Variants in STPG1 observed in about 807,000 individuals in gnomAD.
The protein encoded by STPG1 is O(6)-methylguanine-induced apoptosis 2.
Under a neutral mutation model 40.1 loss-of-function variants are expected in STPG1, and 33 were observed. The observed-to-expected ratio is 0.82, with a 90% CI of 0.62 to 1.10. STPG1 has a LOEUF of 1.10. Ranked by LOEUF, STPG1 falls within the 50% of genes least tolerant of loss-of-function variation. The pLI, the probability that STPG1 is intolerant of heterozygous loss-of-function variation, is 0.00. For synonymous variants in STPG1, 150 were observed against 155.0 expected (o/e 0.97, Z 0.24); for missense variants, 396 against 415.1 (o/e 0.95, Z 0.40).
intron 3 of STPG1, 166 bp downstream of exon 3, chr1:24,391,395 A>T (rs1297507208): frequency 2.3e-6 from 1 of 438,288 alleles, no homozygotes. Flanking sequence ...GCTCGTTCTT[A>T]CAGTTAGTCC....
chr1:24,413,283 C>G (rs11249104), intron 1 of STPG1, among the ~76,000 whole-genome samples: 1 of 152,196 alleles, frequency 6.6e-6, no homozygotes, highest in East Asian at 1.9e-4. Flanking sequence ...CTGGGGGACA[C>G]CCCCTGAGCT....
chr1:24,373,815 G>A lies in STPG1; in HGVS notation c.463-5C>T. 4.4e-6 allele frequency: 7 copies of A among 1,596,274 alleles called. No homozygotes were observed. Among genetic ancestry groups the A allele is most frequent in the South Asian group, 2.2e-5 (2 of 90,678 alleles). On this transcript the variant is annotated splice_polypyrimidine_tract_variant and splice_region_variant and intron_variant, in intron 5 of 8. Coordinates refer to ENST00000337248, the MANE Select transcript of STPG1 (RefSeq NM_001199013.2). ...CTTGCAGCAAGAGACAGAGGCCTAGGGGGAGAAAATACACCCAATGTACTC... is the reference window on the plus strand; with the variant it reads ...CTTGCAGCAAGAGACAGAGGCCTAGAGGGAGAAAATACACCCAATGTACTC...
At chr1:24,412,838 G>T (rs1025090045) in intron 1 of STPG1, among the ~76,000 whole-genome samples, 1 of 152,178 alleles carries the variant, frequency 6.6e-6, no homozygotes, top group Middle Eastern at 3.2e-3. Flanking sequence ...TATTTCCAGC[G>T]GGAGTTAGAT....
intron 6 of STPG1, among the ~76,000 whole-genome samples, chr1:24,371,838 G>A (rs1476655094): frequency 1.3e-5 from 2 of 152,194 alleles, no homozygotes; most frequent in African/African-American, 4.8e-5. Context: ...GGGGTGGAGG[G>A]TGAGCTGAAG....
rs1641066898 is a variant in STPG1, at chr1:24,360,912, T to A, written c.867A>T (p.Ser289=). 1.2e-6 allele frequency: 2 copies of A among 1,613,902 alleles called. No individual in the cohort carries two copies. The highest frequency in any genetic ancestry group is 1.7e-6 in the Non-Finnish European group (2 of 1,179,936). Residue 289 remains serine, a synonymous_variant, in exon 8 of 9, where the codon TCA becomes TCT. Coordinates refer to ENST00000337248, the MANE Select transcript of STPG1 (RefSeq NM_001199013.2). Reference sequence around the variant, plus strand: ...TCCACCGGCTGGTATTGGACACGAATGATGCACTAGAGATGAAATGCTTGC... The same window carrying A: ...TCCACCGGCTGGTATTGGACACGAAAGATGCACTAGAGATGAAATGCTTGC... ...GPRKHFISSA[S]FVSNTSRWTA... is the part of the protein sequence containing the mutation.
rs569776474 is a variant in STPG1, at chr1:24,400,293, C to T, written c.70+1026G>A. 2.0e-5 allele frequency among the ~76,000 whole-genome samples: 3 copies of T among 152,234 alleles called. No individual in the cohort carries two copies. In the South Asian group the frequency reaches 6.2e-4, roughly 32 times the overall value. On this transcript the variant is annotated intron_variant, in intron 2 of 8. Coordinates refer to ENST00000337248, the MANE Select transcript of STPG1 (RefSeq NM_001199013.2). ...GTATGATTCACATTTACATAACATT[C>T]AAAAACAAACTAAAGTTATTAATGA...
chr1:24,402,497 C>A (rs1643262914), intron 1 of STPG1, among the ~76,000 whole-genome samples: 1 of 152,132 alleles, frequency 6.6e-6, no homozygotes, highest in African/African-American at 2.4e-5. Flanking sequence ...CATTGTGGCT[C>A]ACACCTATAA....
chr1:24,413,470 C>T (rs11249105), intron 1 of STPG1, among the ~76,000 whole-genome samples: 29,642 of 152,262 alleles, frequency 0.19, 3,312 homozygotes, highest in East Asian at 0.3. Context: ...CGGGTGGAAA[C>T]ACCGAGGACA....
chr1:24,393,076 G>C (rs1464858692), intron 2 of STPG1, among the ~76,000 whole-genome samples: 1 of 152,184 alleles, frequency 6.6e-6, no homozygotes, highest in Non-Finnish European at 1.5e-5. Context: ...GGCTTAGAGG[G>C]ATTAAGTTAC....
rs56982488 is a variant in STPG1, at chr1:24,391,403, T to C, written c.189+158A>G. On this transcript the variant is annotated intron_variant, in intron 3 of 8. Coordinates refer to ENST00000337248, the MANE Select transcript of STPG1 (RefSeq NM_001199013.2). ...TTTTCAGGCTCGTTCTTACAGTTAG[T>C]CCAGTCGGTGCCCCTCAGTGGAGCT... 3,985 of 490,744 alleles carry C rather than the reference T, an allele frequency of 8.1e-3. 159 individuals carry two copies. Among genetic ancestry groups the C allele is most frequent in the African/African-American group, 0.071 (3,582 of 50,594 alleles). 30.4% of individuals were successfully genotyped at this position (490,744 alleles called of 1,614,324 possible). A position where few individuals can be genotyped will look rare whatever the true frequency, so the allele number is the denominator to read the frequency against.
intron 5 of STPG1, among the ~76,000 whole-genome samples, chr1:24,376,468 C>T (rs1374010317): frequency 6.6e-6 from 1 of 152,080 alleles, no homozygotes; most frequent in African/African-American, 2.4e-5. Flanking sequence ...CAATAATGAA[C>T]AAAAAACATG....
chr1:24,361,058 A>G lies in STPG1; in HGVS notation c.738-17T>C, dbSNP rs1641079227. 6.3e-7 allele frequency: 1 copy of G among 1,594,946 alleles called. No homozygotes were observed. Among genetic ancestry groups the G allele is most frequent in the Non-Finnish European group, 8.6e-7 (1 of 1,169,544 alleles). The stretch of plus-strand genomic sequence containing the variant: ...GGGTTTTTCCTTTGGGAAAGATAAA[A>G]CGGGAAGATGTCACTAAGGCAGTCT... On this transcript the variant is annotated splice_polypyrimidine_tract_variant and intron_variant, in intron 7 of 8. Transcript: ENST00000337248.
intron 5 of STPG1, among the ~76,000 whole-genome samples, chr1:24,376,024 TTTTTG>T (rs1181124889): frequency 1.3e-5 from 2 of 151,916 alleles, no homozygotes; most frequent in African/African-American, 4.8e-5. Context: ...TTGCATCTGG[TTTTTG>T]TTTTGTTTTG....
intron 1 of STPG1, among the ~76,000 whole-genome samples, chr1:24,408,472 T>C (rs1643493522): frequency 6.6e-6 from 1 of 152,250 alleles, no homozygotes; most frequent in Non-Finnish European, 1.5e-5. Context: ...TTTAGGGTTC[T>C]CCCTATAAAT....
chr1:24,379,356 T>G (rs773765447), intron 5 of STPG1: 83 of 311,660 alleles, frequency 2.7e-4, no homozygotes, highest in Non-Finnish European at 4.4e-4. Context: ...TTGTTACAGA[T>G]GAGAAAACTA....
chr1:24,371,521 G>C (rs1454039579), intron 6 of STPG1, among the ~76,000 whole-genome samples: 2 of 151,552 alleles, frequency 1.3e-5, no homozygotes, highest in African/African-American at 2.4e-5. Flanking sequence ...AACCCAGGAG[G>C]CGAAGGTTGC....
intron 3 of STPG1, among the ~76,000 whole-genome samples, chr1:24,384,989 T>C (rs115858747): frequency 0.011 from 1,615 of 152,284 alleles, 39 homozygotes; most frequent in African/African-American, 0.037. Context: ...TCAGGGCTAC[T>C]TTAAGGAAAG....
rs138478857 is a variant in STPG1, at chr1:24,386,886, T to C, written c.190-2883A>G. Among the ~76,000 whole-genome samples, 71 of 152,322 alleles carry C rather than the reference T, an allele frequency of 4.7e-4. No individual in the cohort carries two copies. In the East Asian group the frequency reaches 0.013, roughly 27 times the overall value. On this transcript the variant is annotated intron_variant, in intron 3 of 8. Coordinates refer to ENST00000337248, the MANE Select transcript of STPG1 (RefSeq NM_001199013.2). Reference sequence around the variant, plus strand: ...GGGAGAAGGGAAGAGAACTCGCATTTACTAGTGCTCTAGGGAAGCCCTACC... The same window carrying C: ...GGGAGAAGGGAAGAGAACTCGCATTCACTAGTGCTCTAGGGAAGCCCTACC...
rs56972835 is a variant in STPG1 at position 24,382,917 on chromosome 1, C to CTTTTT, written c.291+980_291+984dup. Reference sequence around the variant, plus strand: ...AGAGTCTGGGCTTGCTTTCTTTTCACTTTTTTTTTTTTTGGACAGAGTCTG... The same window carrying CTTTTT: ...AGAGTCTGGGCTTGCTTTCTTTTCACTTTTTTTTTTTTTTTTTTGGACAGAGTCTG... On this transcript the variant is annotated intron_variant, in intron 4 of 8. Coordinates refer to ENST00000337248, the MANE Select transcript of STPG1 (RefSeq NM_001199013.2). 6.7e-5 allele frequency among the ~76,000 whole-genome samples: 9 copies of CTTTTT among 133,512 alleles called. 1 individual carries two copies. Among genetic ancestry groups the CTTTTT allele is most frequent in the African/African-American group, 8.8e-5 (3 of 34,240 alleles). The allele number at this position is 133,512 out of a possible 152,430, so 87.6% of individuals were successfully genotyped here. A position where few individuals can be genotyped will look rare whatever the true frequency, so the allele number is the denominator to read the frequency against.
Sources: gnomAD v4.1 joint callset for allele counts (sites outside exome capture counted in the v4.1 genomes callset) on GRCh38, gnomAD v4.1.1 for gene constraint, MANE v1.5 for transcripts, NCBI Gene and HGNC (gene_info 2026-07-23, HGNC 2026-07-21) for gene names.